Variants in DTNB observed in about 807,000 individuals in gnomAD.
The protein encoded by DTNB is DTN-B.
DTNB carries 63 observed loss-of-function variants against 90.7 expected under a neutral mutation model. The observed-to-expected ratio is 0.69, with a 90% CI of 0.57 to 0.86. The LOEUF is 0.86. Among genes scored for constraint, DTNB ranks in the 40% least tolerant of loss-of-function variants. The pLI, the probability that DTNB is intolerant of heterozygous loss-of-function variation, is 0.00. For synonymous variants in DTNB, 277 were observed against 286.7 expected (o/e 0.97, Z 0.34); for missense variants, 744 against 807.1 (o/e 0.92, Z 0.95).
At chr2:25,430,756 T>C (rs2053601045) in intron 14 of DTNB, among the ~76,000 whole-genome samples, 2 of 152,360 alleles carry the variant, frequency 1.3e-5, no homozygotes, top group South Asian at 4.1e-4. Flanking sequence ...GGTACTTCTA[T>C]GGATGGCATT....
chr2:25,407,630 A>G (rs538116048), intron 16 of DTNB, among the ~76,000 whole-genome samples: 33 of 152,324 alleles, frequency 2.2e-4, no homozygotes, highest in Non-Finnish European at 4.4e-4. Context: ...AGCAACCTGA[A>G]TGGACCTGGA....
At chr2:25,422,491 C>T (rs1416824622) in intron 15 of DTNB, among the ~76,000 whole-genome samples, 3 of 149,950 alleles carry the variant, frequency 2.0e-5, no homozygotes, top group Non-Finnish European at 4.4e-5. Flanking sequence ...GTGTGACCTC[C>T]GCCTCCTGGG....
chr2:25,599,917 C>T (rs952995879), intron 5 of DTNB, among the ~76,000 whole-genome samples: 4 of 148,624 alleles, frequency 2.7e-5, no homozygotes, highest in Non-Finnish European at 6.0e-5. Context: ...GGCAAGATAG[C>T]AGGACCTTGT....
intron 8 of DTNB, among the ~76,000 whole-genome samples, chr2:25,534,152 C>T (rs1436129646): frequency 6.6e-6 from 1 of 152,058 alleles, no homozygotes; most frequent in Non-Finnish European, 1.5e-5. Context: ...CGGCCTTTGG[C>T]CTTCGGCCCT....
chr2:25,397,841 C>T (rs1558344075), intron 16 of DTNB, among the ~76,000 whole-genome samples: 1 of 147,670 alleles, frequency 6.8e-6, no homozygotes, highest in Non-Finnish European at 1.5e-5. Flanking sequence ...AATCCTGCCA[C>T]TGCCCTCCAG....
At chr2:25,574,532 A>G (rs2060369308) in intron 8 of DTNB, among the ~76,000 whole-genome samples, 1 of 152,238 alleles carries the variant, frequency 6.6e-6, no homozygotes, top group African/African-American at 2.4e-5. Context: ...GAAAATTCTT[A>G]TACTAGCTGG....
intron 18 of DTNB, chr2:25,386,052 G>A (rs1037915104): frequency 6.1e-6 from 6 of 985,308 alleles, no homozygotes; most frequent in East Asian, 1.1e-4. Flanking sequence ...GAAGGCTGTC[G>A]CCTCTTCTGT....
intron 10 of DTNB, among the ~76,000 whole-genome samples, chr2:25,466,289 T>A (rs749383451): frequency 2.0e-5 from 3 of 152,182 alleles, no homozygotes; most frequent in Non-Finnish European, 2.9e-5. Flanking sequence ...GAGGCGAGAT[T>A]GTGCCACTGT....
intron 1 of DTNB, among the ~76,000 whole-genome samples, chr2:25,667,631 C>T (rs1338115443): frequency 6.6e-6 from 1 of 152,140 alleles, no homozygotes; most frequent in African/African-American, 2.4e-5. Context: ...TATATAAGTA[C>T]ATTTAGGGTA....
chr2:25,631,208 T>A (rs773194284), intron 3 of DTNB, among the ~76,000 whole-genome samples: 1 of 152,186 alleles, frequency 6.6e-6, no homozygotes, highest in Non-Finnish European at 1.5e-5. Context: ...TTTTATAGTA[T>A]ATGAATTTTA....
chr2:25,482,010 C>T (rs1258735237), intron 10 of DTNB, among the ~76,000 whole-genome samples: 2 of 152,120 alleles, frequency 1.3e-5, no homozygotes, highest in Non-Finnish European at 2.9e-5. Context: ...ACATATGGCA[C>T]AAAATGTATT....
chr2:25,478,517 C>CTCTTCT (rs745377535), intron 10 of DTNB, among the ~76,000 whole-genome samples: 1 of 151,940 alleles, frequency 6.6e-6, no homozygotes, highest in Non-Finnish European at 1.5e-5. Context: ...GGATCTCTCT[C>CTCTTCT]TCTTCTTCTT....
intron 16 of DTNB, among the ~76,000 whole-genome samples, chr2:25,413,471 T>C: frequency 7.2e-6 from 1 of 139,764 alleles, no homozygotes; most frequent in Non-Finnish European, 1.5e-5. Context: ...TGTGTCCAAG[T>C]GTTCTCACTG....
chr2:25,524,230 A>T (rs1216689372), intron 9 of DTNB, among the ~76,000 whole-genome samples: 1 of 151,974 alleles, frequency 6.6e-6, no homozygotes, highest in Non-Finnish European at 1.5e-5. Context: ...CTTCTGATTG[A>T]TCTTGGTATC....
rs60909101 is a variant in DTNB, at chr2:25,433,148, C to T, written c.1344-149G>A. 1,562 of 692,744 alleles carry T rather than the reference C, an allele frequency of 2.3e-3. 17 individuals are homozygous for T. In the African/African-American group the frequency reaches 0.025, roughly 11 times the overall value. The allele number at this position is 692,744 out of a possible 1,614,324, so 42.9% of individuals were successfully genotyped here. On this transcript the variant is annotated intron_variant, in intron 13 of 20. Transcript: ENST00000406818. Reference sequence around the variant, plus strand: ...AAATGGCCAAGAGGTGAAATGGACACCTTCTCAATACTGCTTCACCTGACA... The same window carrying T: ...AAATGGCCAAGAGGTGAAATGGACATCTTCTCAATACTGCTTCACCTGACA...
At chr2:25,616,759 C>T (rs2070698038) in intron 4 of DTNB, among the ~76,000 whole-genome samples, 1 of 151,162 alleles carries the variant, frequency 6.6e-6, no homozygotes, top group Admixed American at 6.6e-5. Context: ...GGTGAAACCC[C>T]ATCTCTACTA....
chr2:25,573,897 G>A (rs1572792743), intron 8 of DTNB, among the ~76,000 whole-genome samples: 2 of 152,274 alleles, frequency 1.3e-5, no homozygotes, highest in Admixed American at 1.3e-4. Flanking sequence ...CAAGTGGGTT[G>A]CTGGATATTC....
intron 3 of DTNB, among the ~76,000 whole-genome samples, chr2:25,634,910 C>T (rs1286734303): frequency 8.6e-6 from 1 of 116,532 alleles, no homozygotes; most frequent in African/African-American, 2.7e-5. Context: ...CCCCGGGACA[C>T]AAACACTGCG....
At chr2:25,564,026 T>C (rs2058644272) in intron 8 of DTNB, among the ~76,000 whole-genome samples, 1 of 151,992 alleles carries the variant, frequency 6.6e-6, no homozygotes, top group African/African-American at 2.4e-5. Flanking sequence ...CTCAGCCTCC[T>C]GAGTAGCTGG....
Sources: allele counts gnomAD v4.1 joint callset (sites outside exome capture counted in the v4.1 genomes callset), GRCh38; gene constraint gnomAD v4.1.1; transcripts MANE v1.5; gene names NCBI Gene and HGNC (gene_info 2026-07-23, HGNC 2026-07-21).